TBX15: variants seen among roughly 807,000 people sequenced by gnomAD.
The protein encoded by TBX15 is T-box transcription factor 15, also known as T-box transcription factor TBX15.
Under a neutral mutation model 53.9 loss-of-function variants are expected in TBX15, and 18 were observed. The observed-to-expected ratio is 0.33, with a 90% CI of 0.23 to 0.49. TBX15 has a LOEUF of 0.49. TBX15 is among the 20% of genes least tolerant of loss of function. The probability of loss-of-function intolerance (pLI) is 0.98; values close to 1 mark genes in which losing one functional copy is unlikely to be tolerated. For synonymous variants in TBX15, 295 were observed against 278.0 expected, an observed-to-expected ratio of 1.06 and a Z score of -0.61; for missense variants, 692 against 749.5, an observed-to-expected ratio of 0.92 and a Z score of 0.90.
At chr1:118,989,016 C>T (rs1207745861), upstream of TBX15, among the ~76,000 whole-genome samples, 2 of 152,208 alleles carry the variant, frequency 1.3e-5, no homozygotes, top group Admixed American at 6.5e-5. Context: ...GGGTTTAGGG[C>T]GAGCTCCTCA....
chr1:118,954,377 C>T (rs148630521), intron 1 of TBX15, among the ~76,000 whole-genome samples: 1 of 152,316 alleles, frequency 6.6e-6, no homozygotes, highest in East Asian at 1.9e-4. Flanking sequence ...ACCAGCCTAT[C>T]CCCAGGAGAT....
At position 118,987,668 on chromosome 1, in the gene TBX15, G is replaced by A. The variant is rs1465855402; in HGVS notation, c.128C>T (p.Ser43Phe). ...RDWEEKGLDL[S>F]MEALSPAGPL... ...GCCCGCGGGGCTCAGCGCCTCCATA[G>A]ACAGGTCCAGCCCCTTCTCCTCCCA... The change falls in exon 1 of 8, where the codon TCT becomes TTT. Residue 43 changes from serine to phenylalanine, a missense_variant. Around this residue, in one of 3 missense-constraint regions of TBX15, gnomAD observed 307 missense variants for 347.5 expected, o/e 0.88. Transcript: ENST00000369429. The A allele has an allele frequency of 1.4e-5, 22 of 1,550,334 alleles. No individual in the cohort carries two copies. The highest frequency in any genetic ancestry group is 4.9e-5 in the East Asian group (2 of 40,904).
At chr1:118,910,108 T>C (rs1654981603) in intron 6 of TBX15, among the ~76,000 whole-genome samples, 1 of 152,122 alleles carries the variant, frequency 6.6e-6, no homozygotes, top group Non-Finnish European at 1.5e-5. Flanking sequence ...CATTCCCCTC[T>C]TCTTGAGCCT....
At chr1:118,976,742 T>C (rs375393989) in intron 1 of TBX15, among the ~76,000 whole-genome samples, 2 of 152,204 alleles carry the variant, frequency 1.3e-5, no homozygotes, top group African/African-American at 4.8e-5. Context: ...GCAAGAGCTG[T>C]CAAAATTCCT....
chr1:118,981,076 G>GC (rs965583200), intron 1 of TBX15, among the ~76,000 whole-genome samples: 25 of 151,966 alleles, frequency 1.6e-4, no homozygotes, highest in African/African-American at 4.8e-4. Flanking sequence ...CGTGATCCCC[G>GC]CCCCCCGCCT....
intron 1 of TBX15, among the ~76,000 whole-genome samples, chr1:118,934,866 G>C (rs969709132): frequency 6.6e-6 from 1 of 152,178 alleles, no homozygotes; most frequent in Non-Finnish European, 1.5e-5. Flanking sequence ...TATTTAACTG[G>C]AAATACCCTG....
intron 1 of TBX15, among the ~76,000 whole-genome samples, chr1:118,977,588 T>C (rs2101048173): frequency 6.6e-6 from 1 of 152,300 alleles, no homozygotes; most frequent in South Asian, 2.1e-4. Flanking sequence ...GGACATCAGA[T>C]GACGGTGGGG....
chr1:118,886,570 A>C (rs1169779214), intron 7 of TBX15, among the ~76,000 whole-genome samples: 9 of 152,328 alleles, frequency 5.9e-5, no homozygotes, highest in Admixed American at 5.2e-4. Context: ...TGGAACCTCC[A>C]CATCAGTATT....
chr1:118,916,604 C>T (rs896220022), intron 5 of TBX15, among the ~76,000 whole-genome samples: 2 of 152,204 alleles, frequency 1.3e-5, no homozygotes, highest in Non-Finnish European at 2.9e-5. Context: ...TGGCTCATGC[C>T]TGCAATCCTC....
chr1:118,960,889 C>G (rs530964023), intron 1 of TBX15, among the ~76,000 whole-genome samples: 1 of 152,130 alleles, frequency 6.6e-6, no homozygotes, highest in Non-Finnish European at 1.5e-5. Context: ...CTGGACTTGG[C>G]CCAACCCATC....
chr1:118,908,920 TCACACA>T (rs113048062), intron 6 of TBX15, among the ~76,000 whole-genome samples: 3 of 149,360 alleles, frequency 2.0e-5, no homozygotes, highest in African/African-American at 4.9e-5. Flanking sequence ...CACTCAACAT[TCACACA>T]CACACACACA....
chr1:118,917,221 T>C (rs1655267153), intron 5 of TBX15, among the ~76,000 whole-genome samples: 1 of 152,192 alleles, frequency 6.6e-6, no homozygotes, highest in Non-Finnish European at 1.5e-5. Flanking sequence ...ATATACATCA[T>C]GGAATACTAC....
At chr1:118,986,617 C>T (rs1315563695) in intron 1 of TBX15, among the ~76,000 whole-genome samples, 1 of 152,194 alleles carries the variant, frequency 6.6e-6, no homozygotes, top group African/African-American at 2.4e-5. Flanking sequence ...CAGTGCAGGC[C>T]GCTGCCCCCT....
chr1:118,937,121 T>C (rs985651424), intron 1 of TBX15, among the ~76,000 whole-genome samples: 5 of 152,096 alleles, frequency 3.3e-5, no homozygotes, highest in African/African-American at 1.2e-4. Flanking sequence ...GGTCTTGAAA[T>C]AGAAGTTTGA....
chr1:118,890,234 C>G (rs1027730094), intron 7 of TBX15, among the ~76,000 whole-genome samples: 8 of 152,108 alleles, frequency 5.3e-5, no homozygotes, highest in Admixed American at 5.2e-4. Flanking sequence ...ATTATCTGTC[C>G]CTCCTCCCTC....
intron 1 of TBX15, among the ~76,000 whole-genome samples, chr1:118,975,279 G>A (rs1048044704): frequency 2.6e-5 from 4 of 152,118 alleles, no homozygotes; most frequent in African/African-American, 9.7e-5. Context: ...CTATATCACT[G>A]CCACAAAAAG....
intron 1 of TBX15, among the ~76,000 whole-genome samples, chr1:118,956,171 G>T (rs1326861787): frequency 4.6e-5 from 7 of 152,154 alleles, no homozygotes; most frequent in African/African-American, 1.7e-4. Flanking sequence ...CTTCAGAACT[G>T]TTAGAAATAA....
At chr1:118,966,968 C>T (rs1002586102) in intron 1 of TBX15, among the ~76,000 whole-genome samples, 2 of 152,198 alleles carry the variant, frequency 1.3e-5, no homozygotes, top group Admixed American at 1.3e-4. Context: ...TAGCTCAGCA[C>T]AGACAAAAGC....
intron 1 of TBX15, among the ~76,000 whole-genome samples, chr1:118,983,953 T>C (rs1176420169): frequency 6.6e-6 from 1 of 152,260 alleles, no homozygotes; most frequent in African/African-American, 2.4e-5. Flanking sequence ...GTGTTCACCC[T>C]GTTACCCTAT....
Sources: allele counts gnomAD v4.1 joint callset (sites outside exome capture counted in the v4.1 genomes callset), GRCh38; gene constraint gnomAD v4.1.1; regional missense constraint gnomAD v4.1.1; transcripts MANE v1.5; gene names NCBI Gene and HGNC (gene_info 2026-07-23, HGNC 2026-07-21).